Variants in LINGO1 observed in about 807,000 individuals in gnomAD.
The protein encoded by LINGO1 is leucine rich repeat and Ig domain containing 1, also known as leucine-rich repeat and immunoglobulin-like domain-containing nogo receptor-interacting protein 1.
In LINGO1, 11 loss-of-function variants were observed where a neutral mutation model predicts 37.3. The observed-to-expected ratio is 0.29, with a 90% confidence interval of 0.19 to 0.49. LINGO1 has a LOEUF of 0.49. LINGO1 is among the 20% of genes least tolerant of loss of function. The pLI, the probability that LINGO1 is intolerant of heterozygous loss-of-function variation, is 0.99. For synonymous variants in LINGO1, 387 were observed against 403.0 expected, an observed-to-expected ratio of 0.96 and a Z score of 0.48; for missense variants, 585 against 878.2, an observed-to-expected ratio of 0.67 and a Z score of 4.22.
Position 77,615,741 on chromosome 15 carries a change from G to A in LINGO1, c.166C>T (p.Leu56=). Residue 56 remains leucine (L), a synonymous_variant, in exon 2 of 2, where the codon CTG becomes TTG. Coordinates refer to ENST00000355300, the MANE Select transcript of LINGO1 (RefSeq NM_032808.7). ...CECSAQDRAV[L]CHRKRFVAVP... ...GCCACAAAGCGCTTGCGGTGGCACA[G>A]CACAGCGCGGTCCTGGGCGGAGCAC... is the stretch of plus-strand genomic sequence containing the variant. The A allele has an allele frequency of 1.3e-6, 2 of 1,591,960 alleles. No homozygotes were observed. The highest frequency in any genetic ancestry group is 1.1e-5 in the South Asian group (1 of 88,586).
In LINGO1 at chr15:77,775,179, A is replaced by G. The variant is rs553430656; in HGVS notation, c.-257+11690T>C. On this transcript the variant is annotated intron_variant, in intron 1 of 3. Transcript: ENST00000561686. ...TTTCTCCACCAAGAACTCCCTCTCC[A>G]GTCTCCTTGGCCATGGCCTTCAAGC... Among the ~76,000 whole-genome samples the G allele has an allele frequency of 7.9e-5, 12 of 151,918 alleles. No individual in the cohort carries two copies. The South Asian group carries it at 2.5e-3, about 32-fold the overall frequency.
chr15:77,662,153 G>T (rs1217594626), intron 3 of LINGO1, among the ~76,000 whole-genome samples: 1 of 152,208 alleles, frequency 6.6e-6, no homozygotes, highest in African/African-American at 2.4e-5. Context: ...ACATATGTGA[G>T]TGTGTGTGAC....
At chr15:77,661,763 GCAAA>G (rs1345049984) in intron 3 of LINGO1, among the ~76,000 whole-genome samples, 1 of 152,210 alleles carries the variant, frequency 6.6e-6, no homozygotes, top group Non-Finnish European at 1.5e-5. Flanking sequence ...CGGGGCCTGA[GCAAA>G]CAGAGACAGC....
intron 3 of LINGO1, among the ~76,000 whole-genome samples, chr15:77,668,814 C>CACAA (rs1397234331): frequency 6.6e-5 from 10 of 151,562 alleles, no homozygotes; most frequent in Non-Finnish European, 1.2e-4. Flanking sequence ...CACACACACA[C>CACAA]ACACACACAC....
intron 2 of LINGO1, among the ~76,000 whole-genome samples, chr15:77,705,356 A>G (rs188343818): frequency 9.6e-4 from 146 of 152,238 alleles, no homozygotes; most frequent in Middle Eastern, 3.4e-3. Flanking sequence ...TGCCGGAAGG[A>G]AAGGGTGCTA....
At chr15:77,704,859 C>T (rs571463419) in intron 2 of LINGO1, among the ~76,000 whole-genome samples, 1 of 152,272 alleles carries the variant, frequency 6.6e-6, no homozygotes, top group Admixed American at 6.5e-5. Context: ...GCCCTGGTCC[C>T]ACCCTGAACC....
intron 1 of LINGO1, among the ~76,000 whole-genome samples, chr15:77,767,290 G>A (rs1035340386): frequency 2.6e-5 from 4 of 152,176 alleles, no homozygotes; most frequent in African/African-American, 9.7e-5. Flanking sequence ...AATGACTTTA[G>A]AGAGAGGGGC....
intron 1 of LINGO1, among the ~76,000 whole-genome samples, chr15:77,770,380 G>T (rs941413548): frequency 6.6e-6 from 1 of 152,136 alleles, no homozygotes; most frequent in Non-Finnish European, 1.5e-5. Flanking sequence ...CTGAGATCAG[G>T]AGTTCGAGAC....
At chr15:77,701,912 C>T (rs550235696) in intron 2 of LINGO1, among the ~76,000 whole-genome samples, 83 of 152,230 alleles carry the variant, frequency 5.5e-4, no homozygotes, top group African/African-American at 1.4e-3. Flanking sequence ...AACACACAAA[C>T]GGACTAAGAG....
intron 2 of LINGO1, among the ~76,000 whole-genome samples, chr15:77,723,835 G>A (rs906318664): frequency 2.0e-5 from 3 of 152,188 alleles, no homozygotes; most frequent in Admixed American, 6.5e-5. Flanking sequence ...GGGGGAGGGG[G>A]CAACAGTTCC....
chr15:77,783,896 T>C (rs1314744980), intron 1 of LINGO1, among the ~76,000 whole-genome samples: 3 of 152,186 alleles, frequency 2.0e-5, no homozygotes, highest in Non-Finnish European at 4.4e-5. Context: ...CTTTCTCCGT[T>C]TGCACCTCAG....
intron 1 of LINGO1, among the ~76,000 whole-genome samples, chr15:77,797,392 G>C (rs1050713239): frequency 6.6e-6 from 1 of 152,154 alleles, no homozygotes; most frequent in African/African-American, 2.4e-5. Flanking sequence ...TCATAGCTAC[G>C]TGTTTCTCTT....
intron 3 of LINGO1, among the ~76,000 whole-genome samples, chr15:77,669,775 G>A (rs1481749690): frequency 2.0e-5 from 3 of 152,208 alleles, no homozygotes; most frequent in African/African-American, 7.2e-5. Flanking sequence ...AACAGCGAGT[G>A]GGCAGAACTC....
At chr15:77,645,221 C>A (rs2074598094) in intron 3 of LINGO1, among the ~76,000 whole-genome samples, 1 of 152,198 alleles carries the variant, frequency 6.6e-6, no homozygotes, top group South Asian at 2.1e-4. Context: ...CCATTCCCAA[C>A]ACCAGGGGCT....
chr15:77,806,710 C>G (rs531466250), intron 1 of LINGO1, among the ~76,000 whole-genome samples: 27 of 152,260 alleles, frequency 1.8e-4, no homozygotes, highest in Non-Finnish European at 3.5e-4. Flanking sequence ...ACCCCGACCC[C>G]CCAGTCCAGG....
chr15:77,758,778 A>G (rs1443421699), intron 1 of LINGO1, among the ~76,000 whole-genome samples: 2 of 152,042 alleles, frequency 1.3e-5, no homozygotes, highest in Non-Finnish European at 2.9e-5. Context: ...GCCACCATCT[A>G]TGAAAAGCCC....
chr15:77,659,180 G>A (rs1405369199), intron 3 of LINGO1, among the ~76,000 whole-genome samples: 1 of 152,150 alleles, frequency 6.6e-6, no homozygotes, highest in African/African-American at 2.4e-5. Context: ...GATGGGGTTA[G>A]ATTTGCAAGG....
intron 2 of LINGO1, among the ~76,000 whole-genome samples, chr15:77,688,356 C>A (rs975249571): frequency 1.7e-4 from 26 of 152,256 alleles, no homozygotes; most frequent in African/African-American, 6.0e-4. Flanking sequence ...CTGCATTAAA[C>A]TTCTCATTAC....
chr15:77,686,355 G>A (rs969928315), intron 2 of LINGO1, among the ~76,000 whole-genome samples: 2 of 152,190 alleles, frequency 1.3e-5, no homozygotes, highest in African/African-American at 2.4e-5. Context: ...TCACTCAGGC[G>A]AGAGTGGAAG....
Sources: allele counts gnomAD v4.1 joint callset (sites outside exome capture counted in the v4.1 genomes callset), GRCh38; gene constraint gnomAD v4.1.1; transcripts MANE v1.5; gene names NCBI Gene and HGNC (gene_info 2026-07-23, HGNC 2026-07-21).